NRF1: variants seen among roughly 807,000 people sequenced by gnomAD.
NRF1 encodes the protein nuclear respiratory factor 1.
Under a neutral mutation model 58.5 loss-of-function variants are expected in NRF1, and 5 were observed. The observed-to-expected ratio is 0.09, with a 90% CI of 0.04 to 0.18. The LOEUF is 0.18. Ranked by LOEUF, NRF1 falls within the 10% of genes least tolerant of loss-of-function variation. NRF1 has a pLI of 1.00. For missense variants in NRF1, 288 were observed against 657.7 expected (o/e 0.44, Z 6.15); for synonymous variants, 224 against 246.7 (o/e 0.91, Z 0.86).
In NRF1 at chr7:129,657,379, G is replaced by A. The variant is rs892089982; in HGVS notation, c.28G>A (p.Glu10Lys). The A allele has an allele frequency of 6.8e-6, 11 of 1,613,950 alleles. No homozygotes were observed. Among genetic ancestry groups the A allele is most frequent in the Admixed American group, 5.0e-5 (3 of 59,992 alleles). ...GGAGGAACACGGAGTGACCCAAACCGAACATATGGCTACCATAGAAGCACA... is the reference window on the plus strand; with the variant it reads ...GGAGGAACACGGAGTGACCCAAACCAAACATATGGCTACCATAGAAGCACA... MEEHGVTQT[E>K]HMATIEAHAV... The change falls in exon 2 of 11, where the codon GAA becomes AAA. Residue 10 changes from glutamate (E) to lysine (K), a missense_variant. Around this residue, in one of 3 missense-constraint regions of NRF1, gnomAD observed 48 missense variants for 65.5 expected, o/e 0.73. Coordinates refer to ENST00000393232, the MANE Select transcript of NRF1 (RefSeq NM_005011.5).
intron 5 of NRF1, among the ~76,000 whole-genome samples, chr7:129,695,189 A>G (rs1262217192): frequency 2.6e-5 from 4 of 152,066 alleles, no homozygotes; most frequent in Non-Finnish European, 4.4e-5. Flanking sequence ...AATTCTGGGA[A>G]CACAGAATTG....
At chr7:129,740,934 G>A (rs971226090) in intron 10 of NRF1, among the ~76,000 whole-genome samples, 1 of 152,124 alleles carries the variant, frequency 6.6e-6, no homozygotes, top group Non-Finnish European at 1.5e-5. Context: ...TTTATTCTTA[G>A]TGCTCATCTA....
chr7:129,711,320 A>G (rs1034626097), intron 7 of NRF1, among the ~76,000 whole-genome samples, 155 bp from the exon 8 acceptor site: 2 of 152,174 alleles, frequency 1.3e-5, no homozygotes, highest in African/African-American at 4.8e-5. Context: ...TCTCTGAACT[A>G]TGATTTTAGT....
At chr7:129,738,254 C>T (rs1803765453) in intron 10 of NRF1, among the ~76,000 whole-genome samples, 2 of 152,194 alleles carry the variant, frequency 1.3e-5, no homozygotes. Flanking sequence ...AAGATTCCTT[C>T]TTGTAATATA....
At chr7:129,720,689 AG>A (rs1803302540) in intron 9 of NRF1, among the ~76,000 whole-genome samples, 1 of 152,132 alleles carries the variant, frequency 6.6e-6, no homozygotes, top group South Asian at 2.1e-4. Flanking sequence ...CATCTTTTAC[AG>A]GGTAAAATGG....
chr7:129,672,463 T>C (rs543739837), intron 3 of NRF1, among the ~76,000 whole-genome samples: 2 of 152,272 alleles, frequency 1.3e-5, no homozygotes, highest in South Asian at 2.1e-4. Flanking sequence ...TCACTCAGGC[T>C]ACTGTGTTGA....
intron 1 of NRF1, among the ~76,000 whole-genome samples, chr7:129,631,134 GCTTA>G (rs768235995): frequency 6.6e-6 from 1 of 152,024 alleles, no homozygotes; most frequent in Non-Finnish European, 1.5e-5. Flanking sequence ...ATATCAGTTT[GCTTA>G]CTTACTTTTC....
chr7:129,745,764 A>G (rs1803962172), intron 10 of NRF1, among the ~76,000 whole-genome samples: 2 of 152,208 alleles, frequency 1.3e-5, no homozygotes, highest in South Asian at 4.1e-4. Flanking sequence ...AGAGCGTTTC[A>G]TAACGCTCCT....
intron 3 of NRF1, among the ~76,000 whole-genome samples, chr7:129,674,048 G>A (rs540092970): frequency 1.3e-5 from 2 of 152,024 alleles, no homozygotes; most frequent in Non-Finnish European, 2.9e-5. Context: ...GGCTGAGGCA[G>A]GAGAATAGCT....
chr7:129,627,651 A>G (rs1017790190), intron 1 of NRF1, among the ~76,000 whole-genome samples: 1 of 152,172 alleles, frequency 6.6e-6, no homozygotes, highest in African/African-American at 2.4e-5. Context: ...TGCATTTCCA[A>G]GAGAATTGAC....
intron 6 of NRF1, among the ~76,000 whole-genome samples, chr7:129,709,678 C>T (rs1418542910): frequency 6.6e-6 from 1 of 151,894 alleles, no homozygotes; most frequent in Non-Finnish European, 1.5e-5. Flanking sequence ...AAACTACCTA[C>T]CATTCCTTAC....
At chr7:129,681,725 C>T (rs536881737) in intron 4 of NRF1, among the ~76,000 whole-genome samples, 51 of 152,174 alleles carry the variant, frequency 3.4e-4, no homozygotes, top group African/African-American at 1.0e-3. Context: ...AGGCAGGTGC[C>T]GCCACACCCA....
intron 1 of NRF1, among the ~76,000 whole-genome samples, chr7:129,623,741 A>T (rs13237109): frequency 2.6e-3 from 392 of 152,252 alleles, no homozygotes; most frequent in Middle Eastern, 0.01. Context: ...AACTAATGTC[A>T]TTTTTTTCTC....
At chr7:129,625,704 C>G (rs1247406426) in intron 1 of NRF1, among the ~76,000 whole-genome samples, 7 of 90,296 alleles carry the variant, frequency 7.8e-5, no homozygotes, top group Non-Finnish European at 1.2e-4. Context: ...TTTTTTGAGA[C>G]GGAGTCTCGC....
Position 129,657,542 on chromosome 7 carries a change from C to T in NRF1, c.191C>T (p.Ala64Val), listed in dbSNP as rs766190602. Residue 64 changes from alanine (A) to valine (V), a missense_variant, in exon 2 of 11, where the codon GCT (alanine) becomes GTT (valine). Coordinates refer to ENST00000393232, the MANE Select transcript of NRF1 (RefSeq NM_005011.5). ...DDSDILNSTA[A>V]DEVTAHLAAA... ...TCAGATATACTCAACTCCACAGCAGCTGATGAGGTGACAGCTCATCTGGCA... is the reference window on the plus strand; with the variant it reads ...TCAGATATACTCAACTCCACAGCAGTTGATGAGGTGACAGCTCATCTGGCA... The T allele has an allele frequency of 2.5e-6, 4 of 1,613,562 alleles. 1 individual carries two copies. In the African/African-American group the frequency reaches 5.3e-5, roughly 22 times the overall value.
intron 4 of NRF1, among the ~76,000 whole-genome samples, chr7:129,684,898 G>A (rs968978201): frequency 6.6e-6 from 1 of 152,154 alleles, no homozygotes; most frequent in South Asian, 2.1e-4. Context: ...AGGACTAAGG[G>A]GAAATGAGAG....
At chr7:129,728,035 T>G (rs1419972891) in intron 10 of NRF1, among the ~76,000 whole-genome samples, 1 of 152,194 alleles carries the variant, frequency 6.6e-6, no homozygotes, top group East Asian at 1.9e-4. Flanking sequence ...CCCAGTTCTT[T>G]GGGTCCATGT....
chr7:129,665,484 C>T (rs1801898810), intron 2 of NRF1, among the ~76,000 whole-genome samples: 1 of 152,150 alleles, frequency 6.6e-6, no homozygotes, highest in South Asian at 2.1e-4. Flanking sequence ...GCACAGACAG[C>T]CCCTGATTAT....
chr7:129,733,885 A>C (rs1803645027), intron 10 of NRF1, among the ~76,000 whole-genome samples: 4 of 152,064 alleles, frequency 2.6e-5, no homozygotes, highest in Admixed American at 1.3e-4. Flanking sequence ...TTAGCCCAGC[A>C]CTGGGCTCAT....
Sources: gnomAD v4.1 joint callset for allele counts (sites outside exome capture counted in the v4.1 genomes callset) on GRCh38, gnomAD v4.1.1 for gene constraint, gnomAD v4.1.1 regional missense constraint, MANE v1.5 for transcripts, NCBI Gene and HGNC (gene_info 2026-07-23, HGNC 2026-07-21) for gene names.